SOX13: variants seen among roughly 807,000 people sequenced by gnomAD.
SOX13 encodes the protein SRY-box transcription factor 13, also known as transcription factor SOX-13.
A neutral mutation model predicts 71.8 loss-of-function variants in SOX13; 28 were observed. The ratio of observed to expected loss-of-function variants is 0.39; its 90% CI spans 0.29 to 0.53. The LOEUF (loss-of-function observed/expected upper bound fraction) is 0.53, where lower values mean the gene tolerates loss of function less well. SOX13 is among the 20% of genes least tolerant of loss of function. The pLI, the probability that SOX13 is intolerant of heterozygous loss-of-function variation, is 0.70. For synonymous variants in SOX13, 309 were observed against 317.8 expected, an observed-to-expected ratio of 0.97 and a Z score of 0.29; for missense variants, 627 against 810.3, an observed-to-expected ratio of 0.77 and a Z score of 2.75.
At chr1:204,121,845 G>A in intron 7 of SOX13, 55 bp from the exon 8 acceptor site, 1 of 1,223,810 alleles carries the variant, frequency 8.2e-7, no homozygotes, top group Non-Finnish European at 1.2e-6. Flanking sequence ...GTCAAGCAGG[G>A]TGTCTGCTGT....
In SOX13 at chr1:204,087,545, T is replaced by C. The variant is rs981015621; in HGVS notation, c.-2+13834T>C. ...TTCCGGGAGGTGCTGGGACCACCAG[T>C]GCTAAGGCCCTGGTCTAGCTTCTAC... On this transcript the variant is annotated intron_variant, in intron 1 of 13. Coordinates refer to ENST00000367204, the MANE Select transcript of SOX13 (RefSeq NM_005686.3). Among the ~76,000 whole-genome samples the C allele has an allele frequency of 2.0e-5, 3 of 152,370 alleles. No homozygotes were observed. The South Asian group carries it at 6.2e-4, about 32-fold the overall frequency.
intron 1 of SOX13, among the ~76,000 whole-genome samples, chr1:204,088,853 CAATT>C (rs1406508578): frequency 6.6e-6 from 1 of 152,148 alleles, no homozygotes; most frequent in Non-Finnish European, 1.5e-5. Flanking sequence ...AGTGAAAGCT[CAATT>C]AGAGTTCGGA....
Position 204,122,033 on chromosome 1 carries a change from C to T in SOX13, c.861+48C>T, listed in dbSNP as rs1200118452. 3.6e-5 allele frequency: 49 copies of T among 1,372,418 alleles called. No homozygotes were observed. In the South Asian group the frequency reaches 3.9e-4, roughly 11 times the overall value. 85.0% of individuals were successfully genotyped at this position (1,372,418 alleles called of 1,614,324 possible). ...CTGGGGCTCCCTCTCGAGCTTATGA[C>T]GGCCGGCTGCCGTGTTAGGGAACTG... On this transcript the variant is annotated intron_variant, in intron 8 of 13. Transcript: ENST00000367204.
chr1:204,126,529 A>T lies in SOX13; in HGVS notation c.*395A>T, dbSNP rs1307963457. On this transcript the variant is annotated 3_prime_UTR_variant, in exon 14 of 14. Transcript: ENST00000367204. ...TGGCTGGACCAGCCACTGTGGGACC[A>T]ACACCCCTCCCACACTCCCCCAGAC... The T allele has an allele frequency of 1.6e-5, 4 of 250,996 alleles. No homozygotes were observed. The highest frequency in any genetic ancestry group is 1.4e-3 in the Middle Eastern group (1 of 706). The allele number at this position is 250,996 out of a possible 1,614,324, so 15.5% of individuals were successfully genotyped here.
At chr1:204,125,711 C>G (rs1656904979) in intron 13 of SOX13, 147 bp from the exon 14 acceptor site, 2 of 879,738 alleles carry the variant, frequency 2.3e-6, no homozygotes, top group East Asian at 5.4e-5. Flanking sequence ...ATTTGGCCAT[C>G]AGAAAGCAGG....
chr1:204,104,447 G>A (rs761642602), intron 1 of SOX13, among the ~76,000 whole-genome samples: 1 of 152,350 alleles, frequency 6.6e-6, no homozygotes, highest in South Asian at 2.1e-4. Context: ...GGGTGGCAGG[G>A]TGTGGTCTGT....
chr1:204,117,383 C>T (rs1318491330), intron 6 of SOX13, among the ~76,000 whole-genome samples, 193 bp downstream of exon 6: 1 of 152,144 alleles, frequency 6.6e-6, no homozygotes, highest in Non-Finnish European at 1.5e-5. Context: ...GGGAGGAGCC[C>T]GGCATGTCTT....
At chr1:204,089,574 C>G (rs1316065450) in intron 1 of SOX13, among the ~76,000 whole-genome samples, 2 of 152,184 alleles carry the variant, frequency 1.3e-5, no homozygotes, top group Non-Finnish European at 2.9e-5. Context: ...AGGCGGCCAC[C>G]CTGTGGAAAG....
chr1:204,100,641 G>C (rs2102241064), intron 1 of SOX13, among the ~76,000 whole-genome samples: 1 of 152,264 alleles, frequency 6.6e-6, no homozygotes, highest in Admixed American at 6.5e-5. Context: ...TTAGTGGCGG[G>C]CTTGGCTGAC....
At chr1:204,117,330 A>C (rs1656715163) in intron 6 of SOX13, 140 bp downstream of exon 6, 1 of 776,396 alleles carries the variant, frequency 1.3e-6, no homozygotes, top group Admixed American at 2.1e-5. Flanking sequence ...GAGGAGGGTT[A>C]TTTCTATTCT....
At chr1:204,080,217 C>A (rs1655874096) in intron 1 of SOX13, among the ~76,000 whole-genome samples, 1 of 152,196 alleles carries the variant, frequency 6.6e-6, no homozygotes, top group African/African-American at 2.4e-5. Flanking sequence ...CCTCCACTCT[C>A]CCCCCAGCGG....
intron 1 of SOX13, among the ~76,000 whole-genome samples, chr1:204,110,917 C>A (rs957196709): frequency 6.6e-6 from 1 of 150,446 alleles, no homozygotes; most frequent in Non-Finnish European, 1.5e-5. Flanking sequence ...AAAAAAAAAT[C>A]AAAAAATGTA....
At position 204,117,675 on chromosome 1, in the gene SOX13, C is replaced by A; in HGVS notation, c.743C>A (p.Ala248Asp). The change falls in exon 7 of 14, where the codon GCC becomes GAC. Residue 248 changes from alanine to aspartate, a missense_variant. Around this residue, in one of 3 missense-constraint regions of SOX13, gnomAD observed 447 missense variants for 532.2 expected, o/e 0.84. Coordinates refer to ENST00000367204, the MANE Select transcript of SOX13 (RefSeq NM_005686.3). ...PLPVTPDSQLALPIQPIPCKP... is the reference protein window; with the variant it reads ...PLPVTPDSQLDLPIQPIPCKP... ...CCTGTCACCCCTGACTCCCAGCTGG[C>A]CTTACCCATTCAGCCCATTCCCTGC... The A allele has an allele frequency of 6.2e-7, 1 of 1,613,622 alleles. No individual in the cohort carries two copies. The highest frequency in any genetic ancestry group is 8.5e-7 in the Non-Finnish European group (1 of 1,179,698).
chr1:204,112,611 A>G (rs951116712), intron 1 of SOX13, among the ~76,000 whole-genome samples: 1 of 152,132 alleles, frequency 6.6e-6, no homozygotes, highest in African/African-American at 2.4e-5. Context: ...TTGGGCCGTC[A>G]GTCCACTAGT....
At chr1:204,085,691 A>ACCTGG (rs1656001340) in intron 1 of SOX13, among the ~76,000 whole-genome samples, 1 of 149,348 alleles carries the variant, frequency 6.7e-6, no homozygotes, top group Admixed American at 6.7e-5. Context: ...AAAAAAAAAA[A>ACCTGG]GATCCAGGCC....
chr1:204,099,437 T>TA (rs1656316912), intron 1 of SOX13, among the ~76,000 whole-genome samples: 1 of 146,070 alleles, frequency 6.8e-6, no homozygotes, highest in Non-Finnish European at 1.5e-5. Flanking sequence ...TTTTTTTTTT[T>TA]TTTTTTTTTT....
chr1:204,105,467 G>A (rs774118571), intron 1 of SOX13, among the ~76,000 whole-genome samples: 1 of 150,326 alleles, frequency 6.7e-6, no homozygotes, highest in African/African-American at 2.5e-5. Context: ...GTGCAGCAGT[G>A]CAATCTTGGC....
chr1:204,093,982 A>G (rs1464758114), intron 1 of SOX13, among the ~76,000 whole-genome samples: 1 of 152,202 alleles, frequency 6.6e-6, no homozygotes, highest in Non-Finnish European at 1.5e-5. Flanking sequence ...TGTCTCTCAG[A>G]GAAGAAGTAA....
rs1222489326 is a variant in SOX13 at position 204,113,143 on chromosome 1, C to G, written c.219+9C>G. The G allele has an allele frequency of 6.6e-7, 1 of 1,523,814 alleles. No individual in the cohort carries two copies. Among genetic ancestry groups the G allele is most frequent in the Admixed American group, 2.1e-5 (1 of 48,332 alleles). The allele number at this position is 1,523,814 out of a possible 1,614,324, so 94.4% of individuals were successfully genotyped here. On this transcript the variant is annotated intron_variant, in intron 2 of 13. Coordinates refer to ENST00000367204, the MANE Select transcript of SOX13 (RefSeq NM_005686.3). ...ATTTCAGGGGCTCCTGGGTCAGTGT[C>G]CCCGCCCTGCCTCCATCCTCACACC...
Sources: allele counts gnomAD v4.1 joint callset (sites outside exome capture counted in the v4.1 genomes callset), GRCh38; gene constraint gnomAD v4.1.1; regional missense constraint gnomAD v4.1.1; transcripts MANE v1.5; gene names NCBI Gene and HGNC (gene_info 2026-07-23, HGNC 2026-07-21).